Variants in XRCC4 observed in about 807,000 individuals in gnomAD.
The protein encoded by XRCC4 is DNA repair protein XRCC4.
A neutral mutation model predicts 39.1 loss-of-function variants in XRCC4; 28 were observed. That is an observed-to-expected ratio of 0.72 (90% confidence interval 0.53 to 0.98). XRCC4 has a LOEUF of 0.98. Ranked by LOEUF, XRCC4 falls within the 50% of genes least tolerant of loss-of-function variation. The pLI, the probability that XRCC4 is intolerant of heterozygous loss-of-function variation, is 0.00. For synonymous variants in XRCC4, 123 were observed against 126.4 expected (o/e 0.97, Z 0.18); for missense variants, 350 against 376.4 (o/e 0.93, Z 0.58).
chr5:83,196,651 T>C (rs1207558287), intron 4 of XRCC4, among the ~76,000 whole-genome samples: 1 of 151,742 alleles, frequency 6.6e-6, no homozygotes, highest in Non-Finnish European at 1.5e-5. Context: ...TTATAATATA[T>C]ATATGTGTGT....
rs1744717597 is a variant in XRCC4, at chr5:83,077,604, A to G, written c.-22A>G. ...GCGTTTTGGAAGATACCGGAAGTAG[A>G]GTCACGGAGAGGTAGGATCCGGAAG... is the stretch of plus-strand genomic sequence containing the variant. On this transcript the variant is annotated 5_prime_UTR_variant, in exon 1 of 8. Coordinates refer to ENST00000396027, the MANE Select transcript of XRCC4 (RefSeq NM_003401.5). 4 of 477,516 alleles carry G rather than the reference A, an allele frequency of 8.4e-6. No homozygotes were observed. The highest frequency in any genetic ancestry group is 6.8e-5 in the East Asian group (2 of 29,326). The allele number at this position is 477,516 out of a possible 1,614,324, so 29.6% of individuals were successfully genotyped here. A position where few individuals can be genotyped will look rare whatever the true frequency, so the allele number is the denominator to read the frequency against.
In XRCC4 at chr5:83,185,081, A is replaced by AT. The variant is rs141129521; in HGVS notation, c.316-10688dup. Among the ~76,000 whole-genome samples, 519 of 152,204 alleles carry AT rather than the reference A, an allele frequency of 3.4e-3. 1 individual carries two copies. The highest frequency in any genetic ancestry group is 0.012 in the African/African-American group (482 of 41,558). Reference sequence around the variant, plus strand: ...ATAATTGTTTTGATACGACCAAGGGATAAAAAAAGAATAATAAAAGACTGA... The same window carrying AT: ...ATAATTGTTTTGATACGACCAAGGGATTAAAAAAAGAATAATAAAAGACTGA... On this transcript the variant is annotated intron_variant, in intron 3 of 7. Coordinates refer to ENST00000396027, the MANE Select transcript of XRCC4 (RefSeq NM_003401.5).
intron 7 of XRCC4, among the ~76,000 whole-genome samples, chr5:83,313,006 A>G (rs1755756071): frequency 6.6e-6 from 1 of 151,830 alleles, no homozygotes; most frequent in Admixed American, 6.6e-5. Context: ...AAAAGGCAAA[A>G]CTCTTAAATC....
intron 3 of XRCC4, among the ~76,000 whole-genome samples, chr5:83,153,532 A>T (rs886786399): frequency 7.2e-5 from 11 of 152,234 alleles, no homozygotes; most frequent in African/African-American, 2.7e-4. Context: ...ACCAAGGATG[A>T]TATATAGGTG....
chr5:83,314,244 G>A (rs990412499), intron 7 of XRCC4, among the ~76,000 whole-genome samples: 1 of 152,158 alleles, frequency 6.6e-6, no homozygotes, highest in African/African-American at 2.4e-5. Context: ...ACAAAGGGAT[G>A]TAAGTAATGC....
the XRCC4 span, among the ~76,000 whole-genome samples, chr5:83,367,233 A>G: frequency 6.6e-6 from 1 of 152,166 alleles, no homozygotes; most frequent in Non-Finnish European, 1.5e-5. Context: ...CCTTTACTAA[A>G]TCTCACTTGA....
intron 7 of XRCC4, among the ~76,000 whole-genome samples, chr5:83,261,596 GT>G (rs1753752483): frequency 1.6e-5 from 2 of 128,810 alleles, no homozygotes; most frequent in Admixed American, 1.9e-4. Context: ...GTGGTCATAA[GT>G]ACTATGGCTT....
intron 1 of XRCC4, among the ~76,000 whole-genome samples, chr5:83,083,300 TTGTC>T (rs1403861253): frequency 6.6e-6 from 1 of 152,132 alleles, no homozygotes; most frequent in Non-Finnish European, 1.5e-5. Context: ...TCTAAAGCAT[TTGTC>T]TGAGGCATAG....
intron 7 of XRCC4, among the ~76,000 whole-genome samples, chr5:83,289,036 A>C (rs1754827916): frequency 6.6e-6 from 1 of 151,712 alleles, no homozygotes; most frequent in East Asian, 1.9e-4. Flanking sequence ...TTATTTCATT[A>C]ACTGTATTTA....
intron 3 of XRCC4, among the ~76,000 whole-genome samples, chr5:83,160,239 A>G (rs1168939252): frequency 6.6e-6 from 1 of 152,196 alleles, no homozygotes; most frequent in African/African-American, 2.4e-5. Context: ...AATTATATCA[A>G]TCAGGGAATA....
intron 3 of XRCC4, among the ~76,000 whole-genome samples, chr5:83,167,291 C>T (rs191583521): frequency 4.6e-5 from 7 of 151,658 alleles, no homozygotes; most frequent in South Asian, 4.2e-4. Flanking sequence ...GAGATTGTGA[C>T]GTTTCTTTGT....
At chr5:83,363,981 T>C in the XRCC4 span, among the ~76,000 whole-genome samples, 1 of 152,214 alleles carries the variant, frequency 6.6e-6, no homozygotes, top group Non-Finnish European at 1.5e-5. Flanking sequence ...TTCAGCATTT[T>C]GTACAAAGGT....
intron 3 of XRCC4, 90 bp from the exon 4 acceptor site, chr5:83,195,680 T>A: frequency 8.0e-7 from 1 of 1,243,868 alleles, no homozygotes; most frequent in Non-Finnish European, 1.1e-6. Context: ...TTACACTTTT[T>A]TATTCTCAGA....
intron 3 of XRCC4, among the ~76,000 whole-genome samples, chr5:83,136,089 A>G (rs746710291): frequency 6.6e-5 from 10 of 152,226 alleles, no homozygotes; most frequent in Non-Finnish European, 1.5e-4. Context: ...AACAGGAACA[A>G]ACATTTATTT....
At chr5:83,189,655 G>T (rs1211378699) in intron 3 of XRCC4, among the ~76,000 whole-genome samples, 3 of 152,196 alleles carry the variant, frequency 2.0e-5, no homozygotes, top group Non-Finnish European at 4.4e-5. Context: ...GTCCTTATCA[G>T]TATCCTTTTC....
At chr5:83,216,620 ATT>A (rs1239248360) in intron 6 of XRCC4, among the ~76,000 whole-genome samples, 1 of 152,178 alleles carries the variant, frequency 6.6e-6, no homozygotes, top group Non-Finnish European at 1.5e-5. Context: ...ACAATAAAGT[ATT>A]ATTTGGCAAT....
At chr5:83,089,418 C>G (rs1023339850) in intron 1 of XRCC4, among the ~76,000 whole-genome samples, 1 of 152,102 alleles carries the variant, frequency 6.6e-6, no homozygotes, top group African/African-American at 2.4e-5. Context: ...TTTTTTTCCC[C>G]CAGTGGGGGA....
At chr5:83,285,271 G>A (rs1285513227) in intron 7 of XRCC4, among the ~76,000 whole-genome samples, 4 of 152,054 alleles carry the variant, frequency 2.6e-5, no homozygotes, top group African/African-American at 2.4e-5. Flanking sequence ...GTTAAGATTG[G>A]TTATCTCTGG....
chr5:83,296,154 T>C, intron 7 of XRCC4, among the ~76,000 whole-genome samples: 1 of 152,128 alleles, frequency 6.6e-6, no homozygotes, highest in East Asian at 1.9e-4. Context: ...ACACCACTGC[T>C]TTATGCCAAA....
Sources: allele counts gnomAD v4.1 joint callset (sites outside exome capture counted in the v4.1 genomes callset), GRCh38; gene constraint gnomAD v4.1.1; transcripts MANE v1.5; gene names NCBI Gene and HGNC (gene_info 2026-07-23, HGNC 2026-07-21).